The following HOMER1 variants were observed in gnomAD, a reference collection of about 807,000 sequenced individuals.
The protein encoded by HOMER1 is homer scaffold protein 1.
Under a neutral mutation model 48.9 loss-of-function variants are expected in HOMER1, and 3 were observed. The ratio of observed to expected loss-of-function variants is 0.06; its 90% CI spans 0.03 to 0.16. The LOEUF (loss-of-function observed/expected upper bound fraction) is 0.16. Ranked by LOEUF, HOMER1 falls within the 10% of genes least tolerant of loss-of-function variation. The pLI is 1.00. For missense variants in HOMER1, 247 were observed against 411.4 expected (o/e 0.60, Z 3.46); for synonymous variants, 134 against 146.4 (o/e 0.92, Z 0.61).
At chr5:79,510,929 T>C (rs963163797) in intron 1 of HOMER1, 8 of 579,492 alleles carry the variant, frequency 1.4e-5, no homozygotes, top group Admixed American at 2.5e-5. Flanking sequence ...AGGACAGGAC[T>C]GGTGCGACCC....
chr5:79,446,106 G>A (rs1177715684), intron 4 of HOMER1, among the ~76,000 whole-genome samples: 1 of 152,134 alleles, frequency 6.6e-6, no homozygotes, highest in Non-Finnish European at 1.5e-5. Flanking sequence ...CAAGAGCCCA[G>A]TCCAGAGCAT....
intron 6 of HOMER1, 44 bp from the exon 7 acceptor site, chr5:79,397,681 A>C: frequency 8.4e-7 from 1 of 1,186,984 alleles, no homozygotes; most frequent in Non-Finnish European, 1.2e-6. Flanking sequence ...TTTCAACTTT[A>C]AAGAGTTTCT....
intron 1 of HOMER1, among the ~76,000 whole-genome samples, chr5:79,481,959 C>A (rs1017095884): frequency 6.6e-6 from 1 of 152,178 alleles, no homozygotes; most frequent in Non-Finnish European, 1.5e-5. Context: ...TGGCTCACAC[C>A]TGTAATACCA....
chr5:79,449,236 C>CT (rs1750964567), intron 3 of HOMER1, among the ~76,000 whole-genome samples: 1 of 140,510 alleles, frequency 7.1e-6, no homozygotes, highest in African/African-American at 2.8e-5. Context: ...TTGCTATAGT[C>CT]TTTAATAGGC....
chr5:79,492,238 G>A (rs2112359886), intron 1 of HOMER1, among the ~76,000 whole-genome samples: 1 of 152,136 alleles, frequency 6.6e-6, no homozygotes, highest in Non-Finnish European at 1.5e-5. Context: ...TCATGAAAGT[G>A]CCCATATAAA....
intron 1 of HOMER1, among the ~76,000 whole-genome samples, chr5:79,503,068 T>C (rs892176742): frequency 6.6e-6 from 1 of 151,982 alleles, no homozygotes; most frequent in Non-Finnish European, 1.5e-5. Context: ...ATTACAGGCG[T>C]GAGCCACTGC....
intron 1 of HOMER1, among the ~76,000 whole-genome samples, chr5:79,462,010 G>A (rs1217718754): frequency 1.3e-5 from 2 of 151,984 alleles, no homozygotes; most frequent in Non-Finnish European, 2.9e-5. Flanking sequence ...ACCAGCCTGG[G>A]CAACATGGTA....
At chr5:79,468,554 T>G (rs1751537778) in intron 1 of HOMER1, among the ~76,000 whole-genome samples, 1 of 152,228 alleles carries the variant, frequency 6.6e-6, no homozygotes, top group Non-Finnish European at 1.5e-5. Flanking sequence ...TAACATATGT[T>G]GTTCACATCA....
chr5:79,390,584 T>C (rs1749223827), intron 8 of HOMER1, among the ~76,000 whole-genome samples: 1 of 152,184 alleles, frequency 6.6e-6, no homozygotes, highest in Non-Finnish European at 1.5e-5. Context: ...ATGAGTCATC[T>C]ACTAGAAAAT....
chr5:79,443,624 C>T (rs538769327), intron 4 of HOMER1, among the ~76,000 whole-genome samples: 2 of 152,316 alleles, frequency 1.3e-5, no homozygotes, highest in African/African-American at 4.8e-5. Flanking sequence ...CAGTTGTTAA[C>T]ATTTATTAGG....
intron 5 of HOMER1, among the ~76,000 whole-genome samples, chr5:79,437,071 T>C (rs1750602177): frequency 6.6e-6 from 1 of 152,196 alleles, no homozygotes; most frequent in South Asian, 2.1e-4. Flanking sequence ...CTTATTAGAC[T>C]CTTGAGAACA....
chr5:79,451,205 C>T lies in HOMER1; in HGVS notation c.163-84G>A, dbSNP rs2112293768. ...ACAAGACCATTCAGTTACATAAAAG[C>T]TTAAGATTATCAATAAGCCACAACG... On this transcript the variant is annotated intron_variant, in intron 2 of 8. Transcript: ENST00000334082. 4 of 1,404,008 alleles carry T rather than the reference C, an allele frequency of 2.8e-6. No individual in the cohort carries two copies. The East Asian group carries it at 9.2e-5, about 32-fold the overall frequency. The allele number at this position is 1,404,008 out of a possible 1,614,324, so 87.0% of individuals were successfully genotyped here.
rs558336918 is a variant in HOMER1 at position 79,487,274 on chromosome 5, T to A, written c.5+25496A>T. Among the ~76,000 whole-genome samples, 4 of 152,156 alleles carry A rather than the reference T, an allele frequency of 2.6e-5. No homozygotes were observed. The East Asian group carries it at 7.7e-4, about 29-fold the overall frequency. On this transcript the variant is annotated intron_variant, in intron 1 of 8. Coordinates refer to ENST00000334082, the MANE Select transcript of HOMER1 (RefSeq NM_004272.5). Reference sequence around the variant, plus strand: ...TGCCTGGTGACAGAGTGAAACTCCATCTCAAAAAAGAAAGAAAGAAGGAAA... The same window carrying A: ...TGCCTGGTGACAGAGTGAAACTCCAACTCAAAAAAGAAAGAAAGAAGGAAA...
intron 1 of HOMER1, among the ~76,000 whole-genome samples, chr5:79,501,914 C>G (rs1752602923): frequency 6.6e-6 from 1 of 151,998 alleles, no homozygotes; most frequent in Non-Finnish European, 1.5e-5. Flanking sequence ...AGAGTAACTA[C>G]TTCTTTAGCC....
intron 8 of HOMER1, among the ~76,000 whole-genome samples, chr5:79,381,153 C>A (rs1484221013): frequency 6.6e-6 from 1 of 152,170 alleles, no homozygotes; most frequent in Non-Finnish European, 1.5e-5. Context: ...AAAGACTGGC[C>A]CACCTGGTGT....
rs577551553 is a variant in HOMER1 at position 79,487,046 on chromosome 5, T to G, written c.5+25724A>C. ...CTGTAATGCCAGCACTTTGGGAGGC[T>G]GAGGTGGGAGGATCACAAGGTCAAG... On this transcript the variant is annotated intron_variant, in intron 1 of 8. Coordinates refer to ENST00000334082, the MANE Select transcript of HOMER1 (RefSeq NM_004272.5). Among the ~76,000 whole-genome samples, 13 of 152,242 alleles carry G rather than the reference T, an allele frequency of 8.5e-5. No individual in the cohort carries two copies. The South Asian group carries it at 2.5e-3, about 29-fold the overall frequency.
intron 5 of HOMER1, among the ~76,000 whole-genome samples, chr5:79,407,152 C>A (rs1330589254): frequency 1.3e-5 from 2 of 152,072 alleles, no homozygotes; most frequent in Non-Finnish European, 2.9e-5. Context: ...ATACCAACAA[C>A]AAAATCAAAA....
chr5:79,461,764 A>G (rs1751322759), intron 1 of HOMER1, among the ~76,000 whole-genome samples: 1 of 152,186 alleles, frequency 6.6e-6, no homozygotes, highest in Non-Finnish European at 1.5e-5. Flanking sequence ...AATTATATTT[A>G]TAATATAAAA....
intron 8 of HOMER1, among the ~76,000 whole-genome samples, chr5:79,388,916 AC>A: frequency 6.6e-6 from 1 of 152,246 alleles, no homozygotes; most frequent in African/African-American, 2.4e-5. Flanking sequence ...AGTATTTAAA[AC>A]TTTTATGCAA....
Sources: allele counts gnomAD v4.1 joint callset (sites outside exome capture counted in the v4.1 genomes callset), GRCh38; gene constraint gnomAD v4.1.1; transcripts MANE v1.5; gene names NCBI Gene and HGNC (gene_info 2026-07-23, HGNC 2026-07-21).